AGBL4: variants seen among roughly 807,000 people sequenced by gnomAD.
AGBL4 encodes the protein AGBL carboxypeptidase 4.
Under a neutral mutation model 66.4 loss-of-function variants are expected in AGBL4, and 58 were observed. The observed-to-expected ratio is 0.87, with a 90% CI of 0.71 to 1.09. The LOEUF is 1.09. AGBL4 is among the 50% of genes least tolerant of loss of function. The pLI, the probability that AGBL4 is intolerant of heterozygous loss-of-function variation, is 0.00. For synonymous variants in AGBL4, 234 were observed against 222.9 expected, an observed-to-expected ratio of 1.05 and a Z score of -0.44; for missense variants, 579 against 631.0, an observed-to-expected ratio of 0.92 and a Z score of 0.88.
chr1:49,442,515 C>A (rs926472672), intron 3 of AGBL4, among the ~76,000 whole-genome samples: 7 of 152,230 alleles, frequency 4.6e-5, no homozygotes, highest in African/African-American at 1.7e-4. Context: ...CAATATCTTT[C>A]TGTGCCTGGA....
chr1:49,349,517 C>T (rs925267078), intron 3 of AGBL4, among the ~76,000 whole-genome samples: 1 of 152,172 alleles, frequency 6.6e-6, no homozygotes, highest in Non-Finnish European at 1.5e-5. Context: ...CAAGTGCCCC[C>T]TCCCTGAAGC....
At chr1:49,470,159 G>C (rs545654798) in intron 3 of AGBL4, among the ~76,000 whole-genome samples, 1 of 152,010 alleles carries the variant, frequency 6.6e-6, no homozygotes, top group East Asian at 1.9e-4. Context: ...ATCATCCACA[G>C]ATGAAACACT....
intron 1 of AGBL4, among the ~76,000 whole-genome samples, chr1:49,964,049 A>G (rs558487606): frequency 6.6e-6 from 1 of 152,236 alleles, no homozygotes; most frequent in South Asian, 2.1e-4. Context: ...AAGGGTCCAA[A>G]TATCATTCAT....
At chr1:49,243,617 G>C (rs1017193703) in intron 4 of AGBL4, among the ~76,000 whole-genome samples, 2 of 151,724 alleles carry the variant, frequency 1.3e-5, no homozygotes, top group African/African-American at 4.8e-5. Flanking sequence ...TTTTGGAACA[G>C]ATCTTTTATA....
chr1:48,576,115 A>G (rs962244777), intron 11 of AGBL4, among the ~76,000 whole-genome samples: 1 of 152,176 alleles, frequency 6.6e-6, no homozygotes, highest in African/African-American at 2.4e-5. Flanking sequence ...GTGGCCTGTT[A>G]GGAATCAGGC....
At chr1:49,116,720 C>T (rs1300158082) in intron 4 of AGBL4, among the ~76,000 whole-genome samples, 1 of 152,062 alleles carries the variant, frequency 6.6e-6, no homozygotes, top group East Asian at 1.9e-4. Flanking sequence ...ATTTATAAAC[C>T]TTTGGGTATA....
At chr1:48,594,503 C>T (rs1303657731) in intron 9 of AGBL4, among the ~76,000 whole-genome samples, 1 of 151,876 alleles carries the variant, frequency 6.6e-6, no homozygotes, top group Non-Finnish European at 1.5e-5. Flanking sequence ...TATAAAGATA[C>T]TTTTGTCATT....
At chr1:49,680,888 G>C (rs771718876) in intron 3 of AGBL4, among the ~76,000 whole-genome samples, 2 of 148,950 alleles carry the variant, frequency 1.3e-5, no homozygotes, top group Non-Finnish European at 3.0e-5. Context: ...CTGATGCTCT[G>C]TTGTTTTTCC....
chr1:49,236,974 A>T (rs1030309369), intron 4 of AGBL4, among the ~76,000 whole-genome samples: 3 of 151,960 alleles, frequency 2.0e-5, no homozygotes, highest in Admixed American at 1.3e-4. Context: ...TGATGGTTTT[A>T]AAAAATGGGA....
chr1:48,980,205 T>C (rs1195310636), intron 5 of AGBL4, among the ~76,000 whole-genome samples: 1 of 152,204 alleles, frequency 6.6e-6, no homozygotes, highest in Non-Finnish European at 1.5e-5. Flanking sequence ...TTTTTTGCTT[T>C]AGCTTTTGTT....
At chr1:48,651,066 C>T (rs1005670301) in intron 8 of AGBL4, among the ~76,000 whole-genome samples, 10 of 152,120 alleles carry the variant, frequency 6.6e-5, no homozygotes, top group Non-Finnish European at 1.5e-4. Flanking sequence ...TTTATATATT[C>T]TCTAAAGCTT....
intron 3 of AGBL4, among the ~76,000 whole-genome samples, chr1:49,335,081 G>C (rs1413985318): frequency 6.6e-6 from 1 of 152,134 alleles, no homozygotes; most frequent in East Asian, 1.9e-4. Context: ...TTGTCTAATA[G>C]GCATCTTAGA....
Position 49,463,612 on chromosome 1 carries a change from A to G in AGBL4, c.283-217748T>C, listed in dbSNP as rs893223568. ...TCTCATACACAAGTTAAAGGTTATC[A>G]GTAAAGAAAGACATTCATTAGAAAA... On this transcript the variant is annotated intron_variant, in intron 3 of 13. Coordinates refer to ENST00000371839, the MANE Select transcript of AGBL4 (RefSeq NM_032785.4). Among the ~76,000 whole-genome samples, 31 of 151,766 alleles carry G rather than the reference A, an allele frequency of 2.0e-4. 1 individual carries two copies. The highest frequency in any genetic ancestry group is 3.1e-4 in the Non-Finnish European group (21 of 67,848).
In AGBL4 at chr1:49,381,740, G is replaced by A. The variant is rs546436912; in HGVS notation, c.283-135876C>T. On this transcript the variant is annotated intron_variant, in intron 3 of 13. Transcript: ENST00000371839. ...AAATCATCATTCTCAGTAAACTATC[G>A]CAAGGACAAAAAACCAAACACGGTA... 4.0e-3 allele frequency among the ~76,000 whole-genome samples: 603 copies of A among 150,566 alleles called. 6 individuals carry two copies. Among genetic ancestry groups the A allele is most frequent in the Non-Finnish European group, 6.6e-3 (444 of 67,768 alleles).
chr1:49,805,674 T>C (rs1260841554), intron 2 of AGBL4, among the ~76,000 whole-genome samples: 1 of 152,180 alleles, frequency 6.6e-6, no homozygotes, highest in Non-Finnish European at 1.5e-5. Flanking sequence ...TAATCAGCAA[T>C]GTGATGCTAT....
At chr1:49,009,349 A>G (rs1200676107) in intron 5 of AGBL4, among the ~76,000 whole-genome samples, 2 of 152,022 alleles carry the variant, frequency 1.3e-5, no homozygotes, top group African/African-American at 4.8e-5. Context: ...ATCTCTGAAT[A>G]GACCAATAAC....
Position 48,870,965 on chromosome 1 carries a change from C to T in AGBL4, c.595-3735G>A, listed in dbSNP as rs1485650881. Among the ~76,000 whole-genome samples, 8 of 152,084 alleles carry T rather than the reference C, an allele frequency of 5.3e-5. No homozygotes were observed. In the South Asian group the frequency reaches 1.7e-3, roughly 32 times the overall value. On this transcript the variant is annotated intron_variant, in intron 5 of 13. Coordinates refer to ENST00000371839, the MANE Select transcript of AGBL4 (RefSeq NM_032785.4). The stretch of plus-strand genomic sequence containing the variant: ...GAAACTGGAATATTTAAATAATTCC[C>T]TCAAAGTCATTCAAAAATAAAAGGA...
rs12042053 is a variant in AGBL4 at position 49,981,615 on chromosome 1, C to T, written c.34+42148G>A. Among the ~76,000 whole-genome samples, 106 of 152,208 alleles carry T rather than the reference C, an allele frequency of 7.0e-4. 2 individuals carry two copies. In the East Asian group the frequency reaches 0.018, roughly 27 times the overall value. ...GAAAGCAATGGATACAGGCTGTCTG[C>T]ATTCAAATCATAGCTCCACCAATGA... On this transcript the variant is annotated intron_variant, in intron 1 of 13. Coordinates refer to ENST00000371839, the MANE Select transcript of AGBL4 (RefSeq NM_032785.4).
intron 3 of AGBL4, among the ~76,000 whole-genome samples, chr1:49,273,683 T>G (rs891475089): frequency 6.6e-6 from 1 of 151,902 alleles, no homozygotes; most frequent in African/African-American, 2.4e-5. Flanking sequence ...TTTTATTTTA[T>G]TTTTATTTTT....
Sources: allele counts gnomAD v4.1 joint callset (sites outside exome capture counted in the v4.1 genomes callset), GRCh38; gene constraint gnomAD v4.1.1; transcripts MANE v1.5; gene names NCBI Gene and HGNC (gene_info 2026-07-23, HGNC 2026-07-21).